The following ARHGAP15 variants were observed in gnomAD, a reference collection of about 807,000 sequenced individuals.
ARHGAP15 encodes the protein Rho GTPase activating protein 15, also known as rho GTPase-activating protein 15.
Under a neutral mutation model 63.7 loss-of-function variants are expected in ARHGAP15, and 51 were observed. That is an observed-to-expected ratio of 0.80 (90% CI 0.64 to 1.01). The LOEUF (loss-of-function observed/expected upper bound fraction) is 1.01. Ranked by LOEUF, ARHGAP15 falls within the 50% of genes least tolerant of loss-of-function variation. The probability of loss-of-function intolerance (pLI) is 0.00; values close to 1 mark genes in which losing one functional copy is unlikely to be tolerated. For missense variants in ARHGAP15, 560 were observed against 564.6 expected, an observed-to-expected ratio of 0.99 and a Z score of 0.08; for synonymous variants, 191 against 193.8, an observed-to-expected ratio of 0.99 and a Z score of 0.12.
At chr2:143,225,887 A>T (rs532371226) in intron 4 of ARHGAP15, among the ~76,000 whole-genome samples, 24 of 152,228 alleles carry the variant, frequency 1.6e-4, no homozygotes, top group African/African-American at 5.8e-4. Context: ...CATGGGAAAA[A>T]ATCGAGATGA....
chr2:143,594,376 A>G (rs1480598369), intron 11 of ARHGAP15, among the ~76,000 whole-genome samples: 3 of 152,220 alleles, frequency 2.0e-5, no homozygotes, highest in African/African-American at 7.2e-5. Context: ...AATGTAAGCA[A>G]ATCGTTCAGA....
intron 1 of ARHGAP15, among the ~76,000 whole-genome samples, chr2:143,152,242 C>T (rs1056502331): frequency 1.3e-5 from 2 of 151,948 alleles, no homozygotes; most frequent in South Asian, 2.1e-4. Context: ...TTTCTTTCTT[C>T]GAACTTCCCT....
At chr2:143,429,962 ATCT>A (rs1208559402) in intron 6 of ARHGAP15, among the ~76,000 whole-genome samples, 2 of 152,116 alleles carry the variant, frequency 1.3e-5, no homozygotes, top group Admixed American at 1.3e-4. Flanking sequence ...TATTAGCTTG[ATCT>A]TCTTGACAGA....
chr2:143,142,021 C>A (rs1689391004), intron 1 of ARHGAP15, among the ~76,000 whole-genome samples: 2 of 152,122 alleles, frequency 1.3e-5, no homozygotes, highest in African/African-American at 2.4e-5. Flanking sequence ...TCTTACCATA[C>A]ACACCTGGAT....
chr2:143,449,123 G>T (rs1298524770), intron 8 of ARHGAP15, among the ~76,000 whole-genome samples: 1 of 151,956 alleles, frequency 6.6e-6, no homozygotes, highest in African/African-American at 2.4e-5. Context: ...GACTTACACT[G>T]CCTTGTAACT....
At chr2:143,330,094 C>CAAAAAAAAAAAAAAAAAAAAAAA (rs1303438123) in intron 6 of ARHGAP15, among the ~76,000 whole-genome samples, 2 of 1,684 alleles carry the variant, frequency 1.2e-3, no homozygotes, top group African/African-American at 1.6e-3. Flanking sequence ...GGCTCTGTCT[C>CAAAAAAAAAAAAAAAAAAAAAAA]AAAAAAAAAA....
At chr2:143,526,714 G>A (rs4427954) in intron 10 of ARHGAP15, among the ~76,000 whole-genome samples, 146,540 of 152,220 alleles carry the variant, frequency 0.96, 70,768 homozygotes, top group East Asian at 1. Context: ...CAAAATTTGA[G>A]AAAAAATTGC....
At chr2:143,643,267 A>G (rs1402681563) in intron 12 of ARHGAP15, among the ~76,000 whole-genome samples, 1 of 152,092 alleles carries the variant, frequency 6.6e-6, no homozygotes. Flanking sequence ...GCCCAAATAT[A>G]ACCTTGGGCA....
intron 9 of ARHGAP15, among the ~76,000 whole-genome samples, chr2:143,495,509 TTAAG>T (rs1692776763): frequency 6.6e-6 from 1 of 152,190 alleles, no homozygotes; most frequent in Non-Finnish European, 1.5e-5. Context: ...GCTGGAACAT[TTAAG>T]TAATTACCCA....
At chr2:143,739,186 G>A (rs373696630) in intron 13 of ARHGAP15, among the ~76,000 whole-genome samples, 9 of 152,082 alleles carry the variant, frequency 5.9e-5, no homozygotes, top group African/African-American at 7.2e-5. Context: ...AACAGTGATC[G>A]CAGGTGAAGT....
At chr2:143,402,939 G>A (rs1284220518) in intron 6 of ARHGAP15, among the ~76,000 whole-genome samples, 1 of 151,706 alleles carries the variant, frequency 6.6e-6, no homozygotes, top group Non-Finnish European at 1.5e-5. Flanking sequence ...TCTTATAGAA[G>A]AATATATTCT....
At chr2:143,315,071 A>G (rs547042977) in intron 6 of ARHGAP15, among the ~76,000 whole-genome samples, 1 of 152,312 alleles carries the variant, frequency 6.6e-6, no homozygotes, top group Admixed American at 6.5e-5. Context: ...TAGGGAGCCT[A>G]TTTAATCCTT....
intron 13 of ARHGAP15, among the ~76,000 whole-genome samples, chr2:143,724,996 G>A (rs1303752612): frequency 1.3e-5 from 2 of 152,120 alleles, no homozygotes; most frequent in African/African-American, 4.8e-5. Flanking sequence ...GATAACTCAA[G>A]TTCCTCAGGA....
chr2:143,338,590 C>A (rs1684914670), intron 6 of ARHGAP15, among the ~76,000 whole-genome samples: 1 of 152,102 alleles, frequency 6.6e-6, no homozygotes, highest in Admixed American at 6.6e-5. Flanking sequence ...AATTTAGTAT[C>A]AAATTGTTAA....
intron 12 of ARHGAP15, among the ~76,000 whole-genome samples, chr2:143,634,157 C>G (rs1680186540): frequency 6.6e-6 from 1 of 152,104 alleles, no homozygotes; most frequent in African/African-American, 2.4e-5. Context: ...TGCATTCCAG[C>G]CCATTGGTAC....
At chr2:143,531,442 GT>G (rs966574302) in intron 10 of ARHGAP15, among the ~76,000 whole-genome samples, 4 of 152,078 alleles carry the variant, frequency 2.6e-5, no homozygotes, top group Non-Finnish European at 5.9e-5. Flanking sequence ...CTTGATTAGT[GT>G]TTTAAATCCA....
intron 13 of ARHGAP15, among the ~76,000 whole-genome samples, chr2:143,744,975 T>C (rs1686106677): frequency 6.6e-6 from 1 of 152,248 alleles, no homozygotes; most frequent in South Asian, 2.1e-4. Flanking sequence ...CCCATTTACA[T>C]AGATTTCTCT....
intron 5 of ARHGAP15, among the ~76,000 whole-genome samples, chr2:143,240,866 T>G (rs1693836275): frequency 6.6e-6 from 1 of 152,206 alleles, no homozygotes; most frequent in African/African-American, 2.4e-5. Flanking sequence ...TTATATTTTT[T>G]TCTAGCTTTG....
At chr2:143,403,119 C>A (rs75983435) in intron 6 of ARHGAP15, among the ~76,000 whole-genome samples, 3,794 of 151,934 alleles carry the variant, frequency 0.025, 63 homozygotes, top group Non-Finnish European at 0.038. Context: ...ATTCAGTTGG[C>A]TGAAATATTA....
Sources: allele counts gnomAD v4.1 joint callset (sites outside exome capture counted in the v4.1 genomes callset), GRCh38; gene constraint gnomAD v4.1.1; transcripts MANE v1.5; gene names NCBI Gene and HGNC (gene_info 2026-07-23, HGNC 2026-07-21).